Variants in EPHA6 observed in about 807,000 individuals in gnomAD.
EPHA6 encodes the protein EPH receptor A6.
In EPHA6, 50 loss-of-function variants were observed where a neutral mutation model predicts 112.0. The ratio of observed to expected loss-of-function variants is 0.45; its 90% CI spans 0.36 to 0.56. The LOEUF (loss-of-function observed/expected upper bound fraction) is 0.56. Among genes scored for constraint, EPHA6 ranks in the 20% least tolerant of loss-of-function variants. The pLI is 0.00. For synonymous variants in EPHA6, 529 were observed against 490.7 expected, an observed-to-expected ratio of 1.08 and a Z score of -1.03; for missense variants, 1,280 against 1,417.4, an observed-to-expected ratio of 0.90 and a Z score of 1.56.
At chr3:97,518,530 T>C (rs1046829082) in intron 10 of EPHA6, among the ~76,000 whole-genome samples, 7 of 151,582 alleles carry the variant, frequency 4.6e-5, no homozygotes, top group African/African-American at 1.7e-4. Flanking sequence ...TTGTTTGCCT[T>C]TTTTTTTCTT....
chr3:97,170,370 G>A (rs184512738), intron 3 of EPHA6, among the ~76,000 whole-genome samples: 4 of 152,260 alleles, frequency 2.6e-5, no homozygotes, highest in Admixed American at 6.5e-5. Flanking sequence ...GGCGTAATCT[G>A]CAGGAATGAG....
At chr3:97,362,491 G>T (rs1035910535) in intron 5 of EPHA6, among the ~76,000 whole-genome samples, 1 of 151,746 alleles carries the variant, frequency 6.6e-6, no homozygotes, top group Non-Finnish European at 1.5e-5. Context: ...TATAAATTTA[G>T]CCTCTTTATA....
chr3:97,335,972 T>C (rs533581444), intron 5 of EPHA6, among the ~76,000 whole-genome samples: 10 of 152,184 alleles, frequency 6.6e-5, no homozygotes, highest in African/African-American at 2.2e-4. Flanking sequence ...AGCCAGTTTA[T>C]CAATCTGGGT....
At chr3:97,029,184 A>T (rs2044740749) in intron 3 of EPHA6, among the ~76,000 whole-genome samples, 1 of 151,816 alleles carries the variant, frequency 6.6e-6, no homozygotes, top group Non-Finnish European at 1.5e-5. Flanking sequence ...CTTTGTTAAA[A>T]TATTGAGTTA....
At chr3:97,537,954 TA>T (rs1340360516) in intron 11 of EPHA6, among the ~76,000 whole-genome samples, 1 of 152,158 alleles carries the variant, frequency 6.6e-6, no homozygotes, top group Non-Finnish European at 1.5e-5. Context: ...TCTAAATATT[TA>T]AATGTAACTT....
chr3:97,641,610 C>T (rs968756519), intron 14 of EPHA6, among the ~76,000 whole-genome samples: 3 of 152,222 alleles, frequency 2.0e-5, no homozygotes, highest in African/African-American at 4.8e-5. Context: ...CGAAGCAGAG[C>T]GAGGCATTGC....
intron 2 of EPHA6, among the ~76,000 whole-genome samples, chr3:96,949,526 A>G (rs1343911134): frequency 6.6e-6 from 1 of 152,106 alleles, no homozygotes; most frequent in African/African-American, 2.4e-5. Flanking sequence ...TATATATAAC[A>G]TTGCTGTGTA....
rs907463359 is a variant in EPHA6 at position 97,185,890 on chromosome 3, G to A, written c.1115-40374G>A. Among the ~76,000 whole-genome samples, 5 of 152,066 alleles carry A rather than the reference G, an allele frequency of 3.3e-5. No individual in the cohort carries two copies. In the East Asian group the frequency reaches 9.7e-4, roughly 30 times the overall value. On this transcript the variant is annotated intron_variant, in intron 3 of 17. Transcript: ENST00000389672. ...ATGGAATACCATGCAGCCATAAAAA[G>A]GATGAATTCATGTCCTTTGTAGGGA...
Position 97,736,047 on chromosome 3 carries a change from C to T in EPHA6, c.3057C>T (p.Asp1019=). The T allele has an allele frequency of 5.6e-6, 9 of 1,612,712 alleles. No homozygotes were observed. The highest frequency in any genetic ancestry group is 7.6e-6 in the Non-Finnish European group (9 of 1,179,176). ...GAAATCACAGACCAAAATTTACTGA[C>T]ATTGTCAGCTTCCTTGACAAACTGA... is the stretch of plus-strand genomic sequence containing the variant. ...KERNHRPKFT[D]IVSFLDKLIR... The change falls in exon 16 of 18, where the codon GAC becomes GAT. Residue 1019 remains aspartate, a synonymous_variant. Coordinates refer to ENST00000389672, the MANE Select transcript of EPHA6 (RefSeq NM_001080448.3).
intron 3 of EPHA6, among the ~76,000 whole-genome samples, chr3:97,146,340 C>G (rs1201467187): frequency 6.6e-6 from 1 of 151,832 alleles, no homozygotes; most frequent in Non-Finnish European, 1.5e-5. Flanking sequence ...CAAAAACAGC[C>G]TCTCATTCTC....
intron 5 of EPHA6, among the ~76,000 whole-genome samples, chr3:97,374,254 A>T (rs2085221530): frequency 6.6e-6 from 1 of 151,932 alleles, no homozygotes; most frequent in Non-Finnish European, 1.5e-5. Flanking sequence ...AATCAGCCAG[A>T]CTCAAAACTT....
chr3:97,559,963 C>A (rs530014047), intron 11 of EPHA6, among the ~76,000 whole-genome samples: 3 of 151,710 alleles, frequency 2.0e-5, no homozygotes, highest in South Asian at 2.1e-4. Context: ...TTAAAAAATT[C>A]TATTTGATGT....
intron 16 of EPHA6, among the ~76,000 whole-genome samples, chr3:97,746,620 G>C (rs2035726105): frequency 6.6e-6 from 1 of 151,578 alleles, no homozygotes; most frequent in African/African-American, 2.4e-5. Flanking sequence ...GTATATATAA[G>C]CACATGTATA....
chr3:97,551,274 A>T (rs2093025300), intron 11 of EPHA6, among the ~76,000 whole-genome samples: 1 of 152,174 alleles, frequency 6.6e-6, no homozygotes, highest in African/African-American at 2.4e-5. Flanking sequence ...ATGAATACAG[A>T]AATAGAGCAC....
chr3:96,954,639 C>T (rs1249264881), intron 2 of EPHA6, among the ~76,000 whole-genome samples: 1 of 152,128 alleles, frequency 6.6e-6, no homozygotes, highest in Non-Finnish European at 1.5e-5. Flanking sequence ...CCTAACCTCA[C>T]TTTATATTTC....
chr3:97,716,370 C>T (rs1420246899), intron 14 of EPHA6, among the ~76,000 whole-genome samples: 2 of 125,468 alleles, frequency 1.6e-5, no homozygotes, highest in Non-Finnish European at 3.0e-5. Context: ...AGATCGAGAC[C>T]ATCCTGGCTA....
intron 13 of EPHA6, among the ~76,000 whole-genome samples, chr3:97,622,719 T>C (rs2093823693): frequency 6.6e-6 from 1 of 151,724 alleles, no homozygotes; most frequent in Non-Finnish European, 1.5e-5. Context: ...AGTACAAGGG[T>C]TTCAATTTCT....
intron 6 of EPHA6, among the ~76,000 whole-genome samples, chr3:97,428,661 G>A (rs559167073): frequency 1.3e-5 from 2 of 152,050 alleles, no homozygotes; most frequent in Admixed American, 6.6e-5. Context: ...CCTCAGTGGC[G>A]ACGAGGAGAG....
intron 3 of EPHA6, among the ~76,000 whole-genome samples, chr3:97,184,292 G>A (rs1228106846): frequency 3.3e-5 from 5 of 152,030 alleles, no homozygotes; most frequent in Non-Finnish European, 7.4e-5. Flanking sequence ...ATGGTTCATG[G>A]TTTCATCTTC....
Sources: gnomAD v4.1 joint callset for allele counts (sites outside exome capture counted in the v4.1 genomes callset) on GRCh38, gnomAD v4.1.1 for gene constraint, MANE v1.5 for transcripts, NCBI Gene and HGNC (gene_info 2026-07-23, HGNC 2026-07-21) for gene names.